Variants in MLF1 observed in about 807,000 individuals in gnomAD.
The protein encoded by MLF1 is myelodysplasia-myeloid leukemia factor 1.
In MLF1, 37 loss-of-function variants were observed where a neutral mutation model predicts 38.3. The observed-to-expected ratio is 0.96, with a 90% confidence interval of 0.74 to 1.27. The LOEUF (loss-of-function observed/expected upper bound fraction) is 1.27. Among genes scored for constraint, MLF1 ranks in the 50% most tolerant of loss-of-function variants. The pLI is 0.00. For synonymous variants in MLF1, 95 were observed against 106.5 expected (o/e 0.89, Z 0.66); for missense variants, 331 against 349.2 (o/e 0.95, Z 0.42).
At chr3:158,595,692 A>G (rs1029218717) in intron 3 of MLF1, among the ~76,000 whole-genome samples, 3 of 152,252 alleles carry the variant, frequency 2.0e-5, no homozygotes, top group South Asian at 4.1e-4. Context: ...GTTGTTCCCT[A>G]CAATATTAAG....
intron 1 of MLF1, chr3:158,573,368 C>T (rs1344874763): frequency 6.5e-5 from 1 of 15,340 alleles, no homozygotes; most frequent in African/African-American, 2.8e-4. Flanking sequence ...GCTGATGGGG[C>T]GGGGCGGGGG....
chr3:158,582,037 G>A (rs555241310), intron 1 of MLF1, among the ~76,000 whole-genome samples: 16 of 152,114 alleles, frequency 1.1e-4, no homozygotes, highest in South Asian at 6.2e-4. Context: ...AAAATTAGCC[G>A]GGCGTGGTGG....
intron 3 of MLF1, among the ~76,000 whole-genome samples, chr3:158,594,343 A>G (rs776846825): frequency 1.3e-5 from 2 of 152,182 alleles, no homozygotes; most frequent in Non-Finnish European, 2.9e-5. Flanking sequence ...AACAGAGAGG[A>G]AACAGCATGT....
chr3:158,598,325 G>T, intron 5 of MLF1, 117 bp downstream of exon 5: 2 of 898,380 alleles, frequency 2.2e-6, no homozygotes, highest in Non-Finnish European at 3.2e-6. Context: ...GGACAGGAGG[G>T]AGGTGTGGGG....
chr3:158,592,481 G>T lies in MLF1; in HGVS notation c.95G>T (p.Ser32Ile). Residue 32 changes from serine to isoleucine, a missense_variant, in exon 2 of 8, where the codon AGT (serine) becomes ATT (isoleucine). Physicochemically the swap from Ser to Ile is moderately radical, Grantham distance 142. Transcript: ENST00000466246. ...GAAAATATGCGACAGATGATAAGAA[G>T]TTTTTCTGAACCCTTTGGAAGAGAC... is the stretch of plus-strand genomic sequence containing the variant. Reference protein sequence around the residue: ...HRENMRQMIRSFSEPFGRDLL... With the variant: ...HRENMRQMIRIFSEPFGRDLL... 2 of 1,611,942 alleles carry T rather than the reference G, an allele frequency of 1.2e-6. No individual in the cohort carries two copies.
intron 2 of MLF1, among the ~76,000 whole-genome samples, chr3:158,592,830 C>T (rs1293575137): frequency 2.0e-5 from 3 of 152,054 alleles, no homozygotes; most frequent in African/African-American, 7.2e-5. Context: ...AAACTTAAAC[C>T]ATTATTTTTT....
intron 6 of MLF1, among the ~76,000 whole-genome samples, 179 bp from the exon 7 acceptor site, chr3:158,602,628 C>G (rs1282485681): frequency 6.6e-6 from 1 of 152,144 alleles, no homozygotes; most frequent in Non-Finnish European, 1.5e-5. Context: ...AGGAGAGGAA[C>G]AGACAGGAAA....
intron 1 of MLF1, among the ~76,000 whole-genome samples, chr3:158,591,893 G>T (rs9848956): frequency 0.032 from 4,847 of 152,114 alleles, 239 homozygotes; most frequent in African/African-American, 0.11. Context: ...AACAGTAACA[G>T]GTTTTCATTA....
At chr3:158,596,778 A>C in intron 3 of MLF1, 84 bp from the exon 4 acceptor site, 3 of 792,224 alleles carry the variant, frequency 3.8e-6, no homozygotes, top group Non-Finnish European at 6.0e-6. Flanking sequence ...ATTGGAAAAA[A>C]ATGTTTTAGC....
At chr3:158,595,144 C>A (rs770507118) in intron 3 of MLF1, among the ~76,000 whole-genome samples, 1 of 151,884 alleles carries the variant, frequency 6.6e-6, no homozygotes, top group Non-Finnish European at 1.5e-5. Context: ...AGTCACAGTA[C>A]CCTGAAGATG....
intron 1 of MLF1, among the ~76,000 whole-genome samples, chr3:158,581,458 T>C (rs1372923044): frequency 1.3e-5 from 2 of 152,110 alleles, no homozygotes; most frequent in Admixed American, 1.3e-4. Context: ...CAACTCCAGC[T>C]CCTCCAGCCA....
chr3:158,579,867 C>T (rs1716063196), intron 1 of MLF1, among the ~76,000 whole-genome samples: 1 of 152,098 alleles, frequency 6.6e-6, no homozygotes, highest in Non-Finnish European at 1.5e-5. Flanking sequence ...ATACTTTAAC[C>T]ATACTCTAAG....
intron 1 of MLF1, chr3:158,591,035 G>A (rs568002301): frequency 2.0e-5 from 9 of 458,280 alleles, no homozygotes; most frequent in Non-Finnish European, 3.0e-5. Context: ...ATAGGTTTAT[G>A]TATACAAATA....
chr3:158,575,800 T>A (rs1715335816), intron 1 of MLF1, among the ~76,000 whole-genome samples: 1 of 152,136 alleles, frequency 6.6e-6, no homozygotes, highest in South Asian at 2.1e-4. Flanking sequence ...ACAAATAACA[T>A]TGTTGATACT....
Position 158,605,334 on chromosome 3 carries a change from T to A in MLF1, c.*132T>A. 2 of 603,498 alleles carry A rather than the reference T, an allele frequency of 3.3e-6. No individual in the cohort carries two copies. The highest frequency in any genetic ancestry group is 6.3e-5 in the South Asian group (2 of 31,906). The allele number at this position is 603,498 out of a possible 1,614,324, so 37.4% of individuals were successfully genotyped here. Reference sequence around the variant, plus strand: ...TGGCAACTTTCTTCTGATATCTGAATGTTCATGAAGGTCCTAGCTTTATAT... The same window carrying A: ...TGGCAACTTTCTTCTGATATCTGAAAGTTCATGAAGGTCCTAGCTTTATAT... On this transcript the variant is annotated 3_prime_UTR_variant, in exon 8 of 8. Transcript: ENST00000466246.
chr3:158,601,520 A>G (rs906899635), intron 6 of MLF1, among the ~76,000 whole-genome samples: 3 of 152,128 alleles, frequency 2.0e-5, no homozygotes, highest in African/African-American at 7.2e-5. Flanking sequence ...CAGTGAGCCA[A>G]GATCGAGCCC....
At chr3:158,573,368 CG>C (rs1402499309) in intron 1 of MLF1, 2 of 15,348 alleles carry the variant, frequency 1.3e-4, no homozygotes, top group East Asian at 3.2e-3. Context: ...GCTGATGGGG[CG>C]GGGCGGGGGG....
Position 158,600,364 on chromosome 3 carries a change from G to T in MLF1, c.613+191G>T, listed in dbSNP as rs149924757. ...GAGCTCTTTTTTATAGTGATTTTTG[G>T]CAATATGGGATATTACTTATTTTTA... On this transcript the variant is annotated intron_variant, in intron 6 of 7. Transcript: ENST00000466246. Among the ~76,000 whole-genome samples the T allele has an allele frequency of 2.0e-5, 3 of 151,744 alleles. No homozygotes were observed. The East Asian group carries it at 5.8e-4, about 29-fold the overall frequency.
intron 1 of MLF1, among the ~76,000 whole-genome samples, chr3:158,571,563 A>G (rs1034624244): frequency 1.5e-5 from 2 of 132,120 alleles, no homozygotes; most frequent in Admixed American, 1.6e-4. Context: ...TGGGCGCATG[A>G]GGTGGAGAGA....
Sources: allele counts gnomAD v4.1 joint callset (sites outside exome capture counted in the v4.1 genomes callset), GRCh38; gene constraint gnomAD v4.1.1; transcripts MANE v1.5; gene names NCBI Gene and HGNC (gene_info 2026-07-23, HGNC 2026-07-21).